CPAMD8: variants seen among roughly 807,000 people sequenced by gnomAD.
The protein encoded by CPAMD8 is C3 and PZP-like alpha-2-macroglobulin domain-containing protein 8.
CPAMD8 carries 146 observed loss-of-function variants against 224.7 expected under a neutral mutation model. That is an observed-to-expected ratio of 0.65 (90% CI 0.57 to 0.75). CPAMD8 has a LOEUF of 0.75. CPAMD8 is among the 30% of genes least tolerant of loss of function. The pLI is 0.00. For missense variants in CPAMD8, 2,301 were observed against 2,537.5 expected (o/e 0.91, Z 2.00); for synonymous variants, 966 against 1,044.6 (o/e 0.92, Z 1.45).
At chr19:17,011,400 G>T (rs2123141227) in intron 5 of CPAMD8, 64 bp downstream of exon 5, 1 of 1,545,842 alleles carries the variant, frequency 6.5e-7, no homozygotes, top group South Asian at 1.1e-5. Flanking sequence ...TTCCGATGGT[G>T]GCCCTGGCCA....
intron 10 of CPAMD8, 139 bp from the exon 11 acceptor site, chr19:16,997,477 A>G (rs1432821586): frequency 1.5e-6 from 1 of 654,742 alleles, no homozygotes; most frequent in Non-Finnish European, 2.8e-6. Context: ...TACCCAATCT[A>G]TGCCACGGGA....
chr19:16,917,634 G>A (rs912406466), intron 27 of CPAMD8, among the ~76,000 whole-genome samples: 1 of 152,222 alleles, frequency 6.6e-6, no homozygotes, highest in Non-Finnish European at 1.5e-5. Flanking sequence ...CCAGCTGCTT[G>A]CGGGGCTGAG....
Position 17,002,278 on chromosome 19 carries a change from G to C in CPAMD8, c.746C>G (p.Thr249Ser). ...CCCTCTTTCTCACCTGGCCCGCACA[G>C]TGCCTGTCTCACAGGCGTCCAGGTC... Reference protein sequence around the residue: ...IQDLDACETGTVRARYTFGKP... With the variant: ...IQDLDACETGSVRARYTFGKP... The change falls in exon 9 of 42, where the codon ACT (threonine) becomes AGT (serine). Residue 249 changes from threonine to serine, a missense_variant. By Grantham distance (58) the Thr-to-Ser change is moderately conservative. Coordinates refer to ENST00000443236, the MANE Select transcript of CPAMD8 (RefSeq NM_015692.5). 1.3e-6 allele frequency: 2 copies of C among 1,597,888 alleles called. No individual in the cohort carries two copies. The highest frequency in any genetic ancestry group is 1.7e-6 in the Non-Finnish European group (2 of 1,170,086).
In CPAMD8 at chr19:16,902,814, T is replaced by C. The variant is rs536430188; in HGVS notation, c.4520A>G (p.Gln1507Arg). ...VPDPVAKPAF[Q>R]LLVSLQEPEA... ...AGGCTCCTGGAGGCTTACGAGCAGC[T>C]GGAAAGCTGGCTTGGCCACCGGGTC... Residue 1507 changes from glutamine to arginine, a missense_variant, in exon 35 of 42, where the codon CAG becomes CGG. Gln to Arg is a conservative substitution (Grantham distance 43). Transcript: ENST00000443236. The C allele has an allele frequency of 1.1e-5, 18 of 1,567,274 alleles. No individual in the cohort carries two copies. In the East Asian group the frequency reaches 3.9e-4, roughly 34 times the overall value.
rs554347073 is a variant in CPAMD8, at chr19:16,923,024, C to G, written c.3548-1038G>C. Among the ~76,000 whole-genome samples, 4 of 152,366 alleles carry G rather than the reference C, an allele frequency of 2.6e-5. No homozygotes were observed. The East Asian group carries it at 7.7e-4, about 29-fold the overall frequency. The stretch of plus-strand genomic sequence containing the variant: ...GGGCAGCGCCCTCTGTCCCCCACAG[C>G]CCTCTGTCCCCAGGCGTGGGGGCTG... On this transcript the variant is annotated intron_variant, in intron 26 of 41. Transcript: ENST00000443236.
intron 14 of CPAMD8, among the ~76,000 whole-genome samples, chr19:16,978,321 T>C (rs955976978): frequency 2.0e-5 from 3 of 152,064 alleles, no homozygotes; most frequent in Non-Finnish European, 4.4e-5. Context: ...CACAGCCCAT[T>C]CATCTGCAGA....
chr19:16,944,120 C>T (rs1207923176), intron 22 of CPAMD8, among the ~76,000 whole-genome samples: 1 of 152,340 alleles, frequency 6.6e-6, no homozygotes, highest in Non-Finnish European at 1.5e-5. Flanking sequence ...GATGATTCCC[C>T]ACCGGCCCAT....
At chr19:17,004,171 G>A (rs2056418025) in intron 8 of CPAMD8, 102 bp downstream of exon 8, 1 of 726,148 alleles carries the variant, frequency 1.4e-6, no homozygotes, top group East Asian at 2.8e-5. Context: ...CTCCGAAAGT[G>A]CTGGGATTAC....
chr19:16,967,894 T>TGTATATATGTGCATATATACACACAC (rs1568540084), intron 18 of CPAMD8, among the ~76,000 whole-genome samples: 5 of 17,266 alleles, frequency 2.9e-4, no homozygotes, highest in Admixed American at 1.1e-3. Flanking sequence ...CACACACATG[T>TGTATATATGTGCATATATACACACAC]GTGTGTATAT....
At chr19:16,941,335 G>A (rs1452751833) in intron 22 of CPAMD8, among the ~76,000 whole-genome samples, 1 of 151,648 alleles carries the variant, frequency 6.6e-6, no homozygotes, top group African/African-American at 2.4e-5. Flanking sequence ...TCCATCCAGT[G>A]GAATATGATT....
rs145652769 is a variant in CPAMD8 at position 16,922,163 on chromosome 19, A to C, written c.3548-177T>G. Among the ~76,000 whole-genome samples the C allele has an allele frequency of 4.7e-4, 72 of 152,110 alleles. No homozygotes were observed. The East Asian group carries it at 0.012, about 26-fold the overall frequency. ...GTCCTTGAAACTGCCATACACTCAC[A>C]TCTGGGGTCCCTGAAACTGCCCCAT... On this transcript the variant is annotated intron_variant, in intron 26 of 41. Coordinates refer to ENST00000443236, the MANE Select transcript of CPAMD8 (RefSeq NM_015692.5).
chr19:16,921,885 C>T lies in CPAMD8; in HGVS notation c.3629+20G>A. The T allele has an allele frequency of 6.6e-7, 1 of 1,522,786 alleles. No individual in the cohort carries two copies. 94.3% of individuals were successfully genotyped at this position (1,522,786 alleles called of 1,614,324 possible). A position where few individuals can be genotyped will look rare whatever the true frequency, so the allele number is the denominator to read the frequency against. ...GGGCGGGGAGCCTCAGAGGCAATGC[C>T]CAGGGCGGTGGGGACTCACCACATG... is the stretch of plus-strand genomic sequence containing the variant. On this transcript the variant is annotated intron_variant, in intron 27 of 41. Transcript: ENST00000443236.
intron 26 of CPAMD8, among the ~76,000 whole-genome samples, 188 bp downstream of exon 26, chr19:16,924,993 GCACCATCTCATCCTA>G: frequency 6.6e-6 from 1 of 152,126 alleles, no homozygotes; most frequent in Non-Finnish European, 1.5e-5. Flanking sequence ...TATCTGAACA[GCACCATCTCATCCTA>G]ACAGCCACAG....
At chr19:17,005,427 G>A (rs964589156) in intron 7 of CPAMD8, among the ~76,000 whole-genome samples, 1 of 132,148 alleles carries the variant, frequency 7.6e-6, no homozygotes, top group South Asian at 2.3e-4. Context: ...ACTAGAGCAC[G>A]CACACACTTT....
chr19:16,931,508 C>A (rs1256060215), intron 23 of CPAMD8, among the ~76,000 whole-genome samples: 2 of 152,188 alleles, frequency 1.3e-5, no homozygotes, highest in African/African-American at 4.8e-5. Flanking sequence ...AGGGTCATCT[C>A]ACCACTGCTA....
intron 24 of CPAMD8, 140 bp downstream of exon 24, chr19:16,928,802 C>G: frequency 1.6e-6 from 1 of 607,726 alleles, no homozygotes; most frequent in Non-Finnish European, 2.8e-6. Context: ...CGACTCTAGA[C>G]TAAGAACAAC....
chr19:16,970,156 G>A (rs1210788334), intron 18 of CPAMD8, among the ~76,000 whole-genome samples: 2 of 141,792 alleles, frequency 1.4e-5, no homozygotes, highest in South Asian at 2.3e-4. Flanking sequence ...GGAGAATGGC[G>A]TGAACCTGGG....
chr19:16,948,860 GGGAAA>G (rs1316427261), intron 20 of CPAMD8, among the ~76,000 whole-genome samples: 19 of 79,216 alleles, frequency 2.4e-4, no homozygotes, highest in African/African-American at 5.9e-4. Flanking sequence ...AGGGAAGGGA[GGGAAA>G]GGAAAGGGAA....
chr19:16,981,016 A>G (rs1430680830), intron 13 of CPAMD8, among the ~76,000 whole-genome samples: 1 of 138,336 alleles, frequency 7.2e-6, no homozygotes, highest in Non-Finnish European at 1.5e-5. Flanking sequence ...TATTTTTAGT[A>G]GAAACGGAGT....
Sources: allele counts gnomAD v4.1 joint callset (sites outside exome capture counted in the v4.1 genomes callset), GRCh38; gene constraint gnomAD v4.1.1; transcripts MANE v1.5; gene names NCBI Gene and HGNC (gene_info 2026-07-23, HGNC 2026-07-21).